The following ZNF804B variants were observed in gnomAD, a reference collection of about 807,000 sequenced individuals.
ZNF804B encodes the protein zinc finger protein 804B.
ZNF804B carries 80 observed loss-of-function variants against 101.4 expected under a neutral mutation model. The ratio of observed to expected loss-of-function variants is 0.79; its 90% CI spans 0.66 to 0.95. The LOEUF (loss-of-function observed/expected upper bound fraction) is 0.95. Among genes scored for constraint, ZNF804B ranks in the 40% least tolerant of loss-of-function variants. ZNF804B has a pLI of 0.00. For missense variants in ZNF804B, 1,673 were observed against 1,561.9 expected, an observed-to-expected ratio of 1.07 and a Z score of -1.20; for synonymous variants, 622 against 558.8, an observed-to-expected ratio of 1.11 and a Z score of -1.59.
At chr7:88,905,345 T>C (rs1301350178) in intron 1 of ZNF804B, among the ~76,000 whole-genome samples, 1 of 151,926 alleles carries the variant, frequency 6.6e-6, no homozygotes, top group East Asian at 1.9e-4. Context: ...TTGAATACAG[T>C]ATGCTAGTTT....
chr7:88,843,867 C>G (rs1181777887), intron 1 of ZNF804B, among the ~76,000 whole-genome samples: 1 of 152,010 alleles, frequency 6.6e-6, no homozygotes, highest in Non-Finnish European at 1.5e-5. Flanking sequence ...GCAAAAAGAT[C>G]CCTATTGATG....
intron 2 of ZNF804B, among the ~76,000 whole-genome samples, chr7:89,270,991 A>T (rs1053386042): frequency 1.3e-5 from 2 of 152,210 alleles, no homozygotes; most frequent in Admixed American, 1.3e-4. Context: ...TTTTCTAGAT[A>T]TACAATCATG....
At chr7:89,140,664 T>C (rs950647522) in intron 1 of ZNF804B, among the ~76,000 whole-genome samples, 3 of 152,108 alleles carry the variant, frequency 2.0e-5, no homozygotes, top group Non-Finnish European at 4.4e-5. Context: ...TCCCTCAGCC[T>C]TCATAGAATT....
intron 1 of ZNF804B, among the ~76,000 whole-genome samples, chr7:88,778,857 T>C (rs1291975777): frequency 6.6e-6 from 1 of 152,190 alleles, no homozygotes; most frequent in African/African-American, 2.4e-5. Flanking sequence ...TCTGCTCCAA[T>C]GGAATGTGCA....
intron 1 of ZNF804B, among the ~76,000 whole-genome samples, chr7:88,854,491 C>CTTT (rs1562812810): frequency 1.3e-5 from 1 of 76,946 alleles, no homozygotes; most frequent in African/African-American, 7.3e-5. Flanking sequence ...CCTTTCCTTT[C>CTTT]CTTTCCTTTC....
intron 1 of ZNF804B, among the ~76,000 whole-genome samples, chr7:89,161,740 T>G (rs1383550744): frequency 6.6e-6 from 1 of 152,064 alleles, no homozygotes. Context: ...GGAGAATTGG[T>G]AAAATATCCT....
rs11378821 is a variant in ZNF804B, at chr7:89,162,596, C to CTT, written c.109-55549_109-55548dup. 1.4e-3 allele frequency among the ~76,000 whole-genome samples: 213 copies of CTT among 146,980 alleles called. 1 individual carries two copies. Among genetic ancestry groups the CTT allele is most frequent in the African/African-American group, 4.7e-3 (187 of 40,194 alleles). On this transcript the variant is annotated intron_variant, in intron 1 of 3. Transcript: ENST00000333190. ...CAGCAAAAGCATTTGTTGGGTTGAA[C>CTT]TTTTTTTTTTTAATAGGTTGGGCAT... is the stretch of plus-strand genomic sequence containing the variant.
intron 1 of ZNF804B, among the ~76,000 whole-genome samples, chr7:89,008,096 A>G (rs1275408294): frequency 6.6e-6 from 1 of 152,170 alleles, no homozygotes; most frequent in Non-Finnish European, 1.5e-5. Flanking sequence ...CTATTGAATT[A>G]GATAATCCCC....
At chr7:89,115,106 A>G (rs575290177) in intron 1 of ZNF804B, among the ~76,000 whole-genome samples, 51 of 152,190 alleles carry the variant, frequency 3.4e-4, no homozygotes, top group African/African-American at 1.0e-3. Flanking sequence ...ATAATAGAAC[A>G]TAGAGGGATA....
At chr7:89,214,502 T>C (rs1360946124) in intron 1 of ZNF804B, among the ~76,000 whole-genome samples, 7 of 152,298 alleles carry the variant, frequency 4.6e-5, no homozygotes, top group Non-Finnish European at 8.8e-5. Flanking sequence ...TATTTAAAGA[T>C]TGTGTAATTA....
intron 2 of ZNF804B, among the ~76,000 whole-genome samples, chr7:89,233,484 T>TATAGCC (rs1241830794): frequency 6.6e-6 from 1 of 152,196 alleles, no homozygotes; most frequent in Admixed American, 6.5e-5. Context: ...AAGTATTGAT[T>TATAGCC]ATAGCCATTT....
chr7:89,098,824 TAA>T (rs1275256471), intron 1 of ZNF804B, among the ~76,000 whole-genome samples: 1 of 151,708 alleles, frequency 6.6e-6, no homozygotes, highest in African/African-American at 2.4e-5. Context: ...CCAAAATAAA[TAA>T]GTTAATATGC....
intron 2 of ZNF804B, among the ~76,000 whole-genome samples, chr7:89,272,745 G>A (rs1019382921): frequency 2.6e-5 from 4 of 151,990 alleles, no homozygotes; most frequent in Non-Finnish European, 2.9e-5. Context: ...CCCTCTTATA[G>A]ATTTATAGGT....
intron 2 of ZNF804B, among the ~76,000 whole-genome samples, chr7:89,239,883 T>C (rs549904395): frequency 1.3e-5 from 2 of 151,720 alleles, no homozygotes; most frequent in African/African-American, 2.4e-5. Context: ...TAGTGTTTCA[T>C]TGAAATAACT....
chr7:88,809,335 CTATCTATCTAT>C (rs770909752), intron 1 of ZNF804B, among the ~76,000 whole-genome samples: 1,727 of 151,220 alleles, frequency 0.011, 11 homozygotes, highest in Middle Eastern at 0.031. Context: ...ATCTATCTAT[CTATCTATCTAT>C]CTATCTATCT....
intron 2 of ZNF804B, among the ~76,000 whole-genome samples, chr7:89,289,122 G>T (rs1038025731): frequency 1.3e-5 from 2 of 150,290 alleles, no homozygotes; most frequent in African/African-American, 4.9e-5. Context: ...AAAATGTAAC[G>T]ATAAAATGAT....
At chr7:88,930,595 A>T (rs1792867943) in intron 1 of ZNF804B, among the ~76,000 whole-genome samples, 1 of 151,938 alleles carries the variant, frequency 6.6e-6, no homozygotes, top group Admixed American at 6.6e-5. Flanking sequence ...TTTCATTACC[A>T]TTAAAGAGAC....
At chr7:88,836,674 A>T (rs1417372231) in intron 1 of ZNF804B, among the ~76,000 whole-genome samples, 6 of 151,878 alleles carry the variant, frequency 4.0e-5, no homozygotes, top group African/African-American at 7.2e-5. Flanking sequence ...ATTCTACTGA[A>T]TACTTGAGGG....
intron 2 of ZNF804B, among the ~76,000 whole-genome samples, chr7:89,322,955 A>G (rs1790841849): frequency 2.0e-5 from 3 of 152,180 alleles, no homozygotes; most frequent in Admixed American, 2.0e-4. Flanking sequence ...TTTGTTATAG[A>G]CCATAAGTTT....
Sources: gnomAD v4.1 joint callset for allele counts (sites outside exome capture counted in the v4.1 genomes callset) on GRCh38, gnomAD v4.1.1 for gene constraint, MANE v1.5 for transcripts, NCBI Gene and HGNC (gene_info 2026-07-23, HGNC 2026-07-21) for gene names.